Variants in CHCHD6 observed in about 807,000 individuals in gnomAD.
The protein encoded by CHCHD6 is MICOS complex subunit MIC25.
Under a neutral mutation model 32.3 loss-of-function variants are expected in CHCHD6, and 28 were observed. The observed-to-expected ratio is 0.87, with a 90% CI of 0.64 to 1.19. The LOEUF (loss-of-function observed/expected upper bound fraction) is 1.19, where lower values mean the gene tolerates loss of function less well. Among genes scored for constraint, CHCHD6 ranks in the 50% most tolerant of loss-of-function variants. CHCHD6 has a pLI of 0.00. For synonymous variants in CHCHD6, 122 were observed against 117.5 expected, an observed-to-expected ratio of 1.04 and a Z score of -0.25; for missense variants, 333 against 307.0, an observed-to-expected ratio of 1.08 and a Z score of -0.63.
intron 1 of CHCHD6, among the ~76,000 whole-genome samples, chr3:126,717,842 T>C (rs1326323569): frequency 6.6e-6 from 1 of 152,178 alleles, no homozygotes; most frequent in Non-Finnish European, 1.5e-5. Context: ...TGACTCAGAC[T>C]GTCTGTGGGC....
intron 5 of CHCHD6, among the ~76,000 whole-genome samples, chr3:126,900,950 A>G (rs2077917012): frequency 2.0e-5 from 3 of 152,064 alleles, no homozygotes; most frequent in South Asian, 4.1e-4. Flanking sequence ...GACCTCACTC[A>G]TCACCAAGGG....
At chr3:126,855,000 T>C (rs1941611746) in intron 5 of CHCHD6, 1 of 152,240 alleles carries the variant, frequency 6.6e-6, no homozygotes, top group Non-Finnish European at 1.5e-5. Flanking sequence ...GGAAGAGACT[T>C]ATGGACCCTT....
intron 4 of CHCHD6, among the ~76,000 whole-genome samples, chr3:126,771,209 CTT>C (rs58996472): frequency 7.9e-5 from 11 of 138,818 alleles, no homozygotes; most frequent in Non-Finnish European, 9.4e-5. Context: ...TTTTCCTTTT[CTT>C]TTTTTTTTTT....
chr3:126,791,800 A>G (rs1190595210), intron 4 of CHCHD6, among the ~76,000 whole-genome samples: 1 of 152,126 alleles, frequency 6.6e-6, no homozygotes, highest in African/African-American at 2.4e-5. Context: ...TAGTAGAGAC[A>G]GGGTTTCACC....
chr3:126,755,770 T>C (rs1936930976), intron 4 of CHCHD6, among the ~76,000 whole-genome samples: 1 of 152,184 alleles, frequency 6.6e-6, no homozygotes, highest in African/African-American at 2.4e-5. Flanking sequence ...GGCTTCTACC[T>C]TCTTATTGTG....
At chr3:126,775,452 G>T (rs1350961402) in intron 4 of CHCHD6, among the ~76,000 whole-genome samples, 2 of 152,180 alleles carry the variant, frequency 1.3e-5, no homozygotes, top group Non-Finnish European at 2.9e-5. Context: ...GTAATATGTT[G>T]CTGTATCAGT....
At chr3:126,796,706 C>T (rs1038982004) in intron 4 of CHCHD6, among the ~76,000 whole-genome samples, 12 of 152,192 alleles carry the variant, frequency 7.9e-5, no homozygotes, top group Non-Finnish European at 1.2e-4. Context: ...TGTCAGAGTC[C>T]TTCTGTTAGT....
intron 1 of CHCHD6, among the ~76,000 whole-genome samples, chr3:126,722,406 T>G (rs1462580033): frequency 6.6e-6 from 1 of 152,214 alleles, no homozygotes; most frequent in African/African-American, 2.4e-5. Context: ...CAAGTGATCC[T>G]TTTGCCTCGG....
At chr3:126,715,938 T>C (rs1934993528) in intron 1 of CHCHD6, among the ~76,000 whole-genome samples, 1 of 152,216 alleles carries the variant, frequency 6.6e-6, no homozygotes, top group Non-Finnish European at 1.5e-5. Context: ...AGTCAGATGG[T>C]CTGAAATAGT....
At chr3:126,838,637 G>A (rs1321198663) in intron 4 of CHCHD6, among the ~76,000 whole-genome samples, 1 of 152,216 alleles carries the variant, frequency 6.6e-6, no homozygotes, top group Admixed American at 6.5e-5. Context: ...GATTCTTGGT[G>A]ATAGTTTCTT....
chr3:126,935,289 G>T (rs886101668), intron 6 of CHCHD6: 35 of 356,196 alleles, frequency 9.8e-5, no homozygotes, highest in Non-Finnish European at 1.3e-4. Flanking sequence ...AGATGAGCAG[G>T]TGTTAAGGCT....
chr3:126,832,877 C>T (rs964211502), intron 4 of CHCHD6, among the ~76,000 whole-genome samples: 9 of 152,136 alleles, frequency 5.9e-5, no homozygotes, highest in Non-Finnish European at 8.8e-5. Flanking sequence ...GGGAATTTCT[C>T]CCCCAGCCAA....
chr3:126,846,848 A>G (rs1941313438), intron 4 of CHCHD6, among the ~76,000 whole-genome samples: 1 of 152,092 alleles, frequency 6.6e-6, no homozygotes, highest in Admixed American at 6.5e-5. Flanking sequence ...GTGTATGTGT[A>G]TGTGTATTTT....
intron 4 of CHCHD6, among the ~76,000 whole-genome samples, chr3:126,848,435 T>A (rs2107550292): frequency 6.6e-6 from 1 of 152,374 alleles, no homozygotes; most frequent in Non-Finnish European, 1.5e-5. Context: ...AGAAGTTACT[T>A]CGTTTTACCT....
At chr3:126,736,362 T>C (rs1180212342) in intron 4 of CHCHD6, among the ~76,000 whole-genome samples, 4 of 152,142 alleles carry the variant, frequency 2.6e-5, no homozygotes, top group Admixed American at 2.6e-4. Flanking sequence ...ACTTGCATGG[T>C]CGCCAGCAGA....
At chr3:126,828,808 T>G (rs926245526) in intron 4 of CHCHD6, among the ~76,000 whole-genome samples, 13 of 152,242 alleles carry the variant, frequency 8.5e-5, no homozygotes, top group Admixed American at 8.5e-4. Flanking sequence ...GAGGCTGCAC[T>G]ATTTGTACCA....
At chr3:126,806,972 C>G (rs1221342177) in intron 4 of CHCHD6, among the ~76,000 whole-genome samples, 1 of 144,742 alleles carries the variant, frequency 6.9e-6, no homozygotes, top group Non-Finnish European at 1.5e-5. Flanking sequence ...ACCGCATGTT[C>G]TCATTCATAG....
At chr3:126,950,997 C>G (rs143242271) in intron 6 of CHCHD6, among the ~76,000 whole-genome samples, 1 of 152,222 alleles carries the variant, frequency 6.6e-6, no homozygotes, top group African/African-American at 2.4e-5. Flanking sequence ...AAGCTTGTCA[C>G]AGATGAAATT....
intron 5 of CHCHD6, among the ~76,000 whole-genome samples, chr3:126,888,411 G>T (rs1046819738): frequency 6.6e-6 from 1 of 152,226 alleles, no homozygotes; most frequent in Non-Finnish European, 1.5e-5. Flanking sequence ...AAGGCACAAT[G>T]AAGAATTCCT....
Sources: gnomAD v4.1 joint callset for allele counts (sites outside exome capture counted in the v4.1 genomes callset) on GRCh38, gnomAD v4.1.1 for gene constraint, MANE v1.5 for transcripts, NCBI Gene and HGNC (gene_info 2026-07-23, HGNC 2026-07-21) for gene names.